Variants in ROR1 observed in about 807,000 individuals in gnomAD.
The protein encoded by ROR1 is ROR family WNT receptor 1, also known as inactive tyrosine-protein kinase transmembrane receptor ROR1.
ROR1 carries 19 observed loss-of-function variants against 78.8 expected under a neutral mutation model. That is an observed-to-expected ratio of 0.24 (90% CI 0.17 to 0.35). The LOEUF (loss-of-function observed/expected upper bound fraction) is 0.35, where lower values mean the gene tolerates loss of function less well. Among genes scored for constraint, ROR1 ranks in the 10% least tolerant of loss-of-function variants. ROR1 has a pLI of 1.00. For missense variants in ROR1, 917 were observed against 1,177.8 expected, an observed-to-expected ratio of 0.78 and a Z score of 3.24; for synonymous variants, 386 against 433.6, an observed-to-expected ratio of 0.89 and a Z score of 1.36.
At chr1:63,850,787 A>G (rs1422942690) in intron 1 of ROR1, among the ~76,000 whole-genome samples, 1 of 152,150 alleles carries the variant, frequency 6.6e-6, no homozygotes, top group Non-Finnish European at 1.5e-5. Context: ...AGAACACATT[A>G]TGTACATTTC....
chr1:64,081,612 A>G (rs1298476111), intron 4 of ROR1, among the ~76,000 whole-genome samples: 1 of 151,956 alleles, frequency 6.6e-6, no homozygotes, highest in East Asian at 1.9e-4. Flanking sequence ...CTCTACAAAA[A>G]ATAAAAAAAT....
chr1:63,862,999 T>G (rs1328824245), intron 1 of ROR1, among the ~76,000 whole-genome samples: 1 of 152,236 alleles, frequency 6.6e-6, no homozygotes, highest in East Asian at 1.9e-4. Flanking sequence ...GACAGCATCT[T>G]GCCTAATCAC....
intron 1 of ROR1, among the ~76,000 whole-genome samples, chr1:63,907,567 A>G (rs1159107334): frequency 1.3e-5 from 2 of 152,194 alleles, no homozygotes; most frequent in African/African-American, 4.8e-5. Context: ...TGGTTTTCTC[A>G]TATAAAATGT....
intron 1 of ROR1, among the ~76,000 whole-genome samples, chr1:63,818,907 G>C (rs1184964811): frequency 5.9e-5 from 9 of 151,924 alleles, no homozygotes; most frequent in Admixed American, 3.3e-4. Context: ...TAGAGACTAT[G>C]GTGTGATTTC....
intron 1 of ROR1, among the ~76,000 whole-genome samples, chr1:63,957,716 A>G (rs1184080809): frequency 2.0e-5 from 3 of 150,476 alleles, no homozygotes; most frequent in African/African-American, 7.3e-5. Context: ...TCTTTAACCA[A>G]TTGATAACCC....
intron 2 of ROR1, among the ~76,000 whole-genome samples, chr1:64,044,124 G>A (rs909934967): frequency 4.6e-5 from 7 of 152,044 alleles, no homozygotes; most frequent in East Asian, 1.9e-4. Flanking sequence ...CTGCTTGTTC[G>A]GAAATAGAAA....
intron 5 of ROR1, among the ~76,000 whole-genome samples, chr1:64,139,315 G>A (rs546661641): frequency 5.3e-5 from 8 of 151,738 alleles, no homozygotes; most frequent in South Asian, 4.2e-4. Flanking sequence ...TTATCCCAGC[G>A]TTTCCCAAAC....
intron 1 of ROR1, among the ~76,000 whole-genome samples, chr1:63,876,614 A>G (rs117478906): frequency 6.6e-6 from 1 of 151,624 alleles, no homozygotes; most frequent in East Asian, 1.9e-4. Flanking sequence ...TTTCCATGAA[A>G]GAGTATGTAT....
intron 1 of ROR1, among the ~76,000 whole-genome samples, chr1:63,956,095 G>A (rs1313443966): frequency 6.6e-6 from 1 of 152,124 alleles, no homozygotes; most frequent in East Asian, 1.9e-4. Flanking sequence ...AGCATGTGCA[G>A]TCTGGAGATC....
chr1:63,970,086 C>A (rs899818613), intron 1 of ROR1, among the ~76,000 whole-genome samples: 1 of 152,094 alleles, frequency 6.6e-6, no homozygotes, highest in Non-Finnish European at 1.5e-5. Flanking sequence ...TCTTCCTCCC[C>A]CACTCCTTCC....
In ROR1 at chr1:64,067,444, C is replaced by CAAAAAAAAAAAAAAAAAAAAAAAAAA. The variant is rs58105318; in HGVS notation, c.482+16752_482+16753insAAAAAAAAAAAAAAAAAAAAAAAAAA. Among the ~76,000 whole-genome samples the CAAAAAAAAAAAAAAAAAAAAAAAAAA allele has an allele frequency of 3.5e-5, 2 of 57,476 alleles. 1 individual carries two copies. The highest frequency in any genetic ancestry group is 6.7e-5 in the Non-Finnish European group (2 of 30,020). 37.7% of individuals were successfully genotyped at this position (57,476 alleles called of 152,430 possible). ...TGGGCGACAGAGCGAGCCTCCGTCT[C>CAAAAAAAAAAAAAAAAAAAAAAAAAA]AAAAAAAAAAAAAAAAAAAAAAAAG... is the stretch of plus-strand genomic sequence containing the variant. On this transcript the variant is annotated intron_variant, in intron 4 of 8. Coordinates refer to ENST00000371079, the MANE Select transcript of ROR1 (RefSeq NM_005012.4).
chr1:63,939,016 A>T (rs1388187685), intron 1 of ROR1, among the ~76,000 whole-genome samples: 2 of 152,204 alleles, frequency 1.3e-5, no homozygotes, highest in African/African-American at 4.8e-5. Flanking sequence ...AATGAATAAA[A>T]ATAAAAATTG....
At chr1:64,143,433 T>G in intron 7 of ROR1, 1 of 978,868 alleles carries the variant, frequency 1.0e-6, no homozygotes, top group Non-Finnish European at 1.2e-6. Context: ...TAATTCATCT[T>G]CCTGATCCTA....
Position 63,978,913 on chromosome 1 carries a change from A to G in ROR1, c.92-30392A>G, listed in dbSNP as rs569838839. On this transcript the variant is annotated intron_variant, in intron 1 of 8. Transcript: ENST00000371079. Reference sequence around the variant, plus strand: ...GAGACCAGGAAAGGGCCGATGCTGTAGTTTCAAGTCCAAAGGCTGTCAGGC... The same window carrying G: ...GAGACCAGGAAAGGGCCGATGCTGTGGTTTCAAGTCCAAAGGCTGTCAGGC... Among the ~76,000 whole-genome samples the G allele has an allele frequency of 4.6e-5, 7 of 152,346 alleles. No homozygotes were observed. The East Asian group carries it at 1.2e-3, about 25-fold the overall frequency.
At chr1:63,820,972 C>T (rs1411102588) in intron 1 of ROR1, among the ~76,000 whole-genome samples, 2 of 152,130 alleles carry the variant, frequency 1.3e-5, no homozygotes, top group East Asian at 3.9e-4. Context: ...ATCTCTGTTA[C>T]AGGCTTCTCT....
chr1:63,928,961 CAGAGGGAG>C (rs1645730234), intron 1 of ROR1, among the ~76,000 whole-genome samples: 1 of 152,080 alleles, frequency 6.6e-6, no homozygotes, highest in East Asian at 1.9e-4. Flanking sequence ...TCATAAAAGT[CAGAGGGAG>C]AGGTTTGGAA....
chr1:63,823,141 TTTC>T (rs1644933216), intron 1 of ROR1, among the ~76,000 whole-genome samples: 1 of 152,216 alleles, frequency 6.6e-6, no homozygotes, highest in South Asian at 2.1e-4. Flanking sequence ...GTCATTTGTA[TTTC>T]TTCTTTTGCA....
chr1:63,787,481 CCT>C, intron 1 of ROR1, among the ~76,000 whole-genome samples: 1 of 114,996 alleles, frequency 8.7e-6, no homozygotes, highest in African/African-American at 3.7e-5. Flanking sequence ...TTCCTTCCTT[CCT>C]GCCTTCCTGC....
Position 64,041,977 on chromosome 1 carries a change from G to A in ROR1, c.164-7714G>A, listed in dbSNP as rs80196055. Among the ~76,000 whole-genome samples the A allele has an allele frequency of 4.8e-3, 728 of 152,246 alleles. 1 individual carries two copies. The highest frequency in any genetic ancestry group is 7.4e-3 in the Non-Finnish European group (503 of 68,016). ...GGAGGTGCGGTTTCACTCTTTATCA[G>A]TTATGTGACCTTAGGCAACACACTT... On this transcript the variant is annotated intron_variant, in intron 2 of 8. Coordinates refer to ENST00000371079, the MANE Select transcript of ROR1 (RefSeq NM_005012.4).
Sources: gnomAD v4.1 joint callset for allele counts (sites outside exome capture counted in the v4.1 genomes callset) on GRCh38, gnomAD v4.1.1 for gene constraint, MANE v1.5 for transcripts, NCBI Gene and HGNC (gene_info 2026-07-23, HGNC 2026-07-21) for gene names.